Variants in KLHL6 observed in about 807,000 individuals in gnomAD.
KLHL6 encodes kelch like family member 6, also known as kelch-like protein 6.
In KLHL6, 41 loss-of-function variants were observed where a neutral mutation model predicts 58.6. The observed-to-expected ratio is 0.70, with a 90% CI of 0.55 to 0.91. The LOEUF (loss-of-function observed/expected upper bound fraction) is 0.91, where lower values mean the gene tolerates loss of function less well. Among genes scored for constraint, KLHL6 ranks in the 40% least tolerant of loss-of-function variants. The pLI is 0.00. For missense variants in KLHL6, 714 were observed against 805.6 expected, an observed-to-expected ratio of 0.89 and a Z score of 1.38; for synonymous variants, 338 against 322.7, an observed-to-expected ratio of 1.05 and a Z score of -0.51.
rs539723311 is a variant in KLHL6, at chr3:183,528,192, G to A, written c.294-182C>T. Among the ~76,000 whole-genome samples, 3 of 152,140 alleles carry A rather than the reference G, an allele frequency of 2.0e-5. No individual in the cohort carries two copies. The South Asian group carries it at 6.2e-4, about 32-fold the overall frequency. ...ATTAGACATTTCATCAGTACTTACC[G>A]AGCTGAACTGAACTGCCCTGCTCCT... On this transcript the variant is annotated intron_variant, in intron 1 of 6. Transcript: ENST00000341319.
chr3:183,527,693 GGTGTGCGTGTGTGTGTGTGTGTTT>G (rs761311676), intron 2 of KLHL6, 128 bp downstream of exon 2: 15 of 672,336 alleles, frequency 2.2e-5, no homozygotes, highest in Admixed American at 3.0e-5. Flanking sequence ...CCCAGCTAGG[GGTGTGCGTGTGTGTGTGTGTGTTT>G]GTGTGCGTGT....
rs932157964 is a variant in KLHL6, at chr3:183,492,194, C to G, written c.1599G>C (p.Pro533=). The G allele has an allele frequency of 6.2e-7, 1 of 1,611,726 alleles. No homozygotes were observed. The highest frequency in any genetic ancestry group is 8.5e-7 in the Non-Finnish European group (1 of 1,179,132). The change falls in exon 7 of 7, where the codon CCG becomes CCC. Residue 533 remains proline, a synonymous_variant. Transcript: ENST00000341319. This position sits in a 1 kb window ranked among gnomAD's most constrained non-coding sequence, Gnocchi z 5.9. ...TCACCAGGCACCAGCTGTCTTCCAG[C>G]GGGCTGTAGGCGTACAGCGCTCTCA... The part of the protein sequence containing the change: ...GAMRALYAYS[P]LEDSWCLVTQ...
At chr3:183,546,526 C>T (rs932604342) in intron 1 of KLHL6, among the ~76,000 whole-genome samples, 2 of 152,136 alleles carry the variant, frequency 1.3e-5, no homozygotes, top group East Asian at 1.9e-4. Flanking sequence ...TGGGTGGCTT[C>T]GGGCTGCGGT....
At chr3:183,498,441 G>A (rs1166206566) in intron 4 of KLHL6, among the ~76,000 whole-genome samples, 2 of 152,162 alleles carry the variant, frequency 1.3e-5, no homozygotes, top group Non-Finnish European at 2.9e-5. Flanking sequence ...TAGGGTCCCA[G>A]GGAGAGCCAG....
rs1232579620 is a variant in KLHL6, at chr3:183,533,326, GTTTCTTCC to G, written c.294-5324_294-5317del. The stretch of plus-strand genomic sequence containing the variant: ...CTTCTTTCTTTCTCTCTTTTTCTTT[GTTTCTTCC>G]TTTCTTCCTTTCTTTCTCTTCCTTC... On this transcript the variant is annotated intron_variant, in intron 1 of 6. Transcript: ENST00000341319. 3.7e-5 allele frequency among the ~76,000 whole-genome samples: 5 copies of G among 134,286 alleles called. No homozygotes were observed. The East Asian group carries it at 8.3e-4, about 22-fold the overall frequency. 88.1% of individuals were successfully genotyped at this position (134,286 alleles called of 152,430 possible). A position where few individuals can be genotyped will look rare whatever the true frequency, so the allele number is the denominator to read the frequency against.
intron 1 of KLHL6, among the ~76,000 whole-genome samples, chr3:183,533,352 CT>C (rs1322727961): frequency 1.4e-5 from 2 of 140,560 alleles, no homozygotes; most frequent in African/African-American, 6.3e-5. Flanking sequence ...CTTTCTTTCT[CT>C]TCCTTCTTTT....
At chr3:183,528,180 T>G (rs1363831979) in intron 1 of KLHL6, among the ~76,000 whole-genome samples, 170 bp from the exon 2 acceptor site, 1 of 152,138 alleles carries the variant, frequency 6.6e-6, no homozygotes, top group Non-Finnish European at 1.5e-5. Context: ...AGACATTTCA[T>G]CAGTACTTAC....
In KLHL6 at chr3:183,487,794, T is replaced by A. The variant is rs1480709988; in HGVS notation, c.*4133A>T. The A allele has an allele frequency of 6.6e-6, 1 of 152,210 alleles. No individual in the cohort carries two copies. Among genetic ancestry groups the A allele is most frequent in the Non-Finnish European group, 1.5e-5 (1 of 68,024 alleles). 9.4% of individuals were successfully genotyped at this position (152,210 alleles called of 1,614,324 possible). Reference sequence around the variant, plus strand: ...TGTGGATTTCTAAAAGGTTAACTTGTCAAATTATGAGATCTAATACAACAC... The same window carrying A: ...TGTGGATTTCTAAAAGGTTAACTTGACAAATTATGAGATCTAATACAACAC... On this transcript the variant is annotated 3_prime_UTR_variant, in exon 7 of 7. Transcript: ENST00000341319.
In KLHL6 at chr3:183,534,143, G is replaced by GACAT. The variant is rs1417397145; in HGVS notation, c.294-6134_294-6133insATGT. ...TTTTAAAGTACTTTGTACTTTTAAA[G>GACAT]TACTTTAAAAGTACTTTAAAAGACA... On this transcript the variant is annotated intron_variant, in intron 1 of 6. Coordinates refer to ENST00000341319, the MANE Select transcript of KLHL6 (RefSeq NM_130446.4). Among the ~76,000 whole-genome samples, 796 of 82,202 alleles carry GACAT rather than the reference G, an allele frequency of 9.7e-3. 14 individuals are homozygous for GACAT. Among genetic ancestry groups the GACAT allele is most frequent in the African/African-American group, 0.031 (730 of 23,228 alleles). 53.9% of individuals were successfully genotyped at this position (82,202 alleles called of 152,430 possible).
At chr3:183,493,772 A>G (rs1465274497) in intron 5 of KLHL6, 3 of 390,574 alleles carry the variant, frequency 7.7e-6, no homozygotes, top group Non-Finnish European at 1.4e-5. Flanking sequence ...ACACCAAGAC[A>G]TGCAGACCAA....
At chr3:183,522,690 G>A (rs893700697) in intron 2 of KLHL6, 1 of 152,224 alleles carries the variant, frequency 6.6e-6, no homozygotes, top group East Asian at 1.9e-4. Flanking sequence ...ATTAGCCTGT[G>A]AAATATTTCC....
At chr3:183,524,905 C>T (rs1711899076) in intron 2 of KLHL6, among the ~76,000 whole-genome samples, 1 of 152,136 alleles carries the variant, frequency 6.6e-6, no homozygotes, top group Non-Finnish European at 1.5e-5. Context: ...ACCTATAACC[C>T]TGAGTTAATT....
In KLHL6 at chr3:183,527,926, C is replaced by A. The variant is rs778258408; in HGVS notation, c.378G>T (p.Leu126=). 1 of 1,614,138 alleles carries A rather than the reference C, an allele frequency of 6.2e-7. No individual in the cohort carries two copies. Among genetic ancestry groups the A allele is most frequent in the Non-Finnish European group, 8.5e-7 (1 of 1,180,018 alleles). The change falls in exon 2 of 7, where the codon CTG becomes CTT. Residue 126 remains leucine, a synonymous_variant. Coordinates refer to ENST00000341319, the MANE Select transcript of KLHL6 (RefSeq NM_130446.4). ...KGVDAETMHT[L]LDYTYTSKAL... is the part of the protein sequence containing the mutation. Reference sequence around the variant, plus strand: ...CCTTGCTGGTGTACGTGTAGTCCAACAGAGTGTGCATGGTCTCAGCATCAA... The same window carrying A: ...CCTTGCTGGTGTACGTGTAGTCCAAAAGAGTGTGCATGGTCTCAGCATCAA...
intron 1 of KLHL6, among the ~76,000 whole-genome samples, chr3:183,551,392 C>G (rs1226303065): frequency 1.3e-5 from 2 of 152,018 alleles, no homozygotes; most frequent in Non-Finnish European, 2.9e-5. Context: ...ATGCATTGGA[C>G]CATATGAAAG....
chr3:183,492,439 G>T lies in KLHL6; in HGVS notation c.1564+55C>A. The T allele has an allele frequency of 6.3e-7, 1 of 1,581,302 alleles. No homozygotes were observed. The highest frequency in any genetic ancestry group is 8.7e-7 in the Non-Finnish European group (1 of 1,151,462). On this transcript the variant is annotated intron_variant, in intron 6 of 6. Transcript: ENST00000341319. The surrounding 1 kb of genome is among the most constrained non-coding windows in gnomAD (Gnocchi z 5.9). Reference sequence around the variant, plus strand: ...CGCGACACACCGTTTACGTGCTGCAGCCAGGCGCTCATCAGGTTCTAAGCC... The same window carrying T: ...CGCGACACACCGTTTACGTGCTGCATCCAGGCGCTCATCAGGTTCTAAGCC...
At chr3:183,534,121 T>TAAAGTACTTTA (rs1283540117) in intron 1 of KLHL6, among the ~76,000 whole-genome samples, 1 of 119,750 alleles carries the variant, frequency 8.4e-6, no homozygotes, top group African/African-American at 3.1e-5. Flanking sequence ...ACTTTACTTT[T>TAAAGTACTTTA]AAAGTACTTT....
chr3:183,514,671 TA>T (rs749281433), intron 2 of KLHL6, among the ~76,000 whole-genome samples: 6 of 151,332 alleles, frequency 4.0e-5, no homozygotes, highest in Non-Finnish European at 8.9e-5. Context: ...AAATTTAATT[TA>T]ATTTTTTTTT....
chr3:183,549,577 T>C (rs1463965351), intron 1 of KLHL6, among the ~76,000 whole-genome samples: 6 of 152,164 alleles, frequency 3.9e-5, no homozygotes, highest in African/African-American at 9.7e-5. Context: ...GGCATGATCT[T>C]GGCTCACTGC....
At chr3:183,523,802 C>T (rs941833289) in intron 2 of KLHL6, among the ~76,000 whole-genome samples, 1 of 152,068 alleles carries the variant, frequency 6.6e-6, no homozygotes, top group African/African-American at 2.4e-5. Context: ...CTCTGTCGCC[C>T]AGGCTGGAGC....
Sources: allele counts gnomAD v4.1 joint callset (sites outside exome capture counted in the v4.1 genomes callset), GRCh38; gene constraint gnomAD v4.1.1; non-coding constraint Gnocchi (gnomAD v3.1); transcripts MANE v1.5; gene names NCBI Gene and HGNC (gene_info 2026-07-23, HGNC 2026-07-21).